The following DMRTA1 variants were observed in gnomAD, a reference collection of about 807,000 sequenced individuals.
DMRTA1 encodes the protein doublesex- and mab-3-related transcription factor A1.
Under a neutral mutation model 35.2 loss-of-function variants are expected in DMRTA1, and 34 were observed. That is an observed-to-expected ratio of 0.97 (90% confidence interval 0.74 to 1.29). The LOEUF is 1.29. DMRTA1 is among the 50% of genes most tolerant of loss of function. DMRTA1 has a pLI of 0.00. For missense variants in DMRTA1, 824 were observed against 644.6 expected (o/e 1.28, Z -3.01); for synonymous variants, 344 against 276.6 (o/e 1.24, Z -2.42).
chr9:22,448,040 T>G (rs1024027051), intron 1 of DMRTA1, among the ~76,000 whole-genome samples: 1 of 152,186 alleles, frequency 6.6e-6, no homozygotes, highest in African/African-American at 2.4e-5. Context: ...TTGATTTGAC[T>G]TTCACTGTGT....
Position 22,452,015 on chromosome 9 carries a change from G to T in DMRTA1, c.*104G>T. On this transcript the variant is annotated 3_prime_UTR_variant, in exon 2 of 2. Coordinates refer to ENST00000325870, the MANE Select transcript of DMRTA1 (RefSeq NM_022160.3). ...TTAATATACTTCAGTAAGTATGTGAGTGGATTATGAGGTCTTAAAATGCTG... is the reference window on the plus strand; with the variant it reads ...TTAATATACTTCAGTAAGTATGTGATTGGATTATGAGGTCTTAAAATGCTG... 1.5e-6 allele frequency: 2 copies of T among 1,318,024 alleles called. No homozygotes were observed. The highest frequency in any genetic ancestry group is 2.0e-6 in the Non-Finnish European group (2 of 991,584). The allele number at this position is 1,318,024 out of a possible 1,614,324, so 81.6% of individuals were successfully genotyped here. A position where few individuals can be genotyped will look rare whatever the true frequency, so the allele number is the denominator to read the frequency against.
At chr9:22,448,705 T>C (rs367974154) in intron 1 of DMRTA1, among the ~76,000 whole-genome samples, 1 of 152,206 alleles carries the variant, frequency 6.6e-6, no homozygotes, top group Non-Finnish European at 1.5e-5. Flanking sequence ...AAACCTTCCT[T>C]GAATTATGAA....
In DMRTA1 at chr9:22,453,337, T is replaced by C. The variant is rs1247725195; in HGVS notation, c.*1426T>C. ...TATGTAGACATACATTAAACCCCTA[T>C]AGGTTATATTATCATGGAGGCGTTT... On this transcript the variant is annotated 3_prime_UTR_variant, in exon 2 of 2. Transcript: ENST00000325870. 4.6e-5 allele frequency: 7 copies of C among 152,020 alleles called. No homozygotes were observed. Among genetic ancestry groups the C allele is most frequent in the African/African-American group, 1.7e-4 (7 of 41,422 alleles). 9.4% of individuals were successfully genotyped at this position (152,020 alleles called of 1,614,324 possible). A position where few individuals can be genotyped will look rare whatever the true frequency, so the allele number is the denominator to read the frequency against.
Position 22,447,000 on chromosome 9 carries a change from C to T in DMRTA1, c.-66C>T. 1 of 1,554,078 alleles carries T rather than the reference C, an allele frequency of 6.4e-7. No homozygotes were observed. Among genetic ancestry groups the T allele is most frequent in the Non-Finnish European group, 8.7e-7 (1 of 1,149,588 alleles). On this transcript the variant is annotated 5_prime_UTR_variant, in exon 1 of 2. Coordinates refer to ENST00000325870, the MANE Select transcript of DMRTA1 (RefSeq NM_022160.3). ...CGTCCTGCCCCGGCTTCCCCAGCCT[C>T]CCAGCAGGGTTAGCTGCGGTCAGCG...
intron 1 of DMRTA1, among the ~76,000 whole-genome samples, chr9:22,449,859 AAGAAAACTGG>A (rs1252569763): frequency 2.0e-5 from 3 of 152,260 alleles, no homozygotes; most frequent in East Asian, 1.9e-4. Flanking sequence ...AATTCTTCTT[AAGAAAACTGG>A]AGAAAACTGG....
At chr9:22,447,774 G>A (rs781386221) in intron 1 of DMRTA1, 42 bp downstream of exon 1, 2 of 1,607,816 alleles carry the variant, frequency 1.2e-6, no homozygotes, top group Non-Finnish European at 1.7e-6. Flanking sequence ...AGGAATGGTT[G>A]TTCTGGAAAG....
Position 22,447,720 on chromosome 9 carries a change from G to A in DMRTA1, c.655G>A (p.Glu219Lys), listed in dbSNP as rs1226393288. Residue 219 changes from glutamate (E) to lysine (K), a missense_variant, in exon 1 of 2, where the codon GAG becomes AAG. Transcript: ENST00000325870. ...CGAAGTTTTCCAGCAAGATTATCCT[G>A]AGGAAAAACAAGGTGAGTTGGTCTT... The part of the protein sequence containing the change: ...AFEVFQQDYP[E>K]EKQEQKESKC... 1 of 1,613,452 alleles carries A rather than the reference G, an allele frequency of 6.2e-7. No homozygotes were observed. Among genetic ancestry groups the A allele is most frequent in the African/African-American group, 1.3e-5 (1 of 75,056 alleles).
Position 22,451,421 on chromosome 9 carries a change from G to T in DMRTA1, c.1025G>T (p.Arg342Leu). 6.2e-7 allele frequency: 1 copy of T among 1,614,104 alleles called. No individual in the cohort carries two copies. The highest frequency in any genetic ancestry group is 8.5e-7 in the Non-Finnish European group (1 of 1,179,968). ...ILTKIFPNYR[R>L]SRLEGILRFC... ...ACTAAGATTTTCCCAAATTACAGGC[G>T]CAGCCGGCTAGAAGGCATTCTACGG... Residue 342 changes from arginine to leucine, a missense_variant, in exon 2 of 2, where the codon CGC (arginine) becomes CTC (leucine). Arg to Leu is a moderately radical substitution (Grantham distance 102, BLOSUM62 -2). Transcript: ENST00000325870.
chr9:22,449,400 CAGAG>C (rs1192678144), intron 1 of DMRTA1, among the ~76,000 whole-genome samples: 2 of 152,206 alleles, frequency 1.3e-5, no homozygotes, highest in Middle Eastern at 3.4e-3. Context: ...CTTGAGAAGA[CAGAG>C]AGACGATATA....
rs1818835108 is a variant in DMRTA1, at chr9:22,446,829, AGC to A, written c.-234_-233del. On this transcript the variant is annotated 5_prime_UTR_variant, in exon 1 of 2. Transcript: ENST00000325870. ...GCTGGAGGCACAAAGGCATTAACTT[AGC>A]GCCCGGGGTCTCTGCCAGGCTCACG... 1 of 524,882 alleles carries A rather than the reference AGC, an allele frequency of 1.9e-6. No homozygotes were observed. Among genetic ancestry groups the A allele is most frequent in the Non-Finnish European group, 3.3e-6 (1 of 306,126 alleles). The allele number at this position is 524,882 out of a possible 1,614,324, so 32.5% of individuals were successfully genotyped here.
chr9:22,447,293 G>C lies in DMRTA1; in HGVS notation c.228G>C (p.Pro76=). 1 of 1,505,892 alleles carries C rather than the reference G, an allele frequency of 6.6e-7. No individual in the cohort carries two copies. The highest frequency in any genetic ancestry group is 8.8e-7 in the Non-Finnish European group (1 of 1,133,550). The allele number at this position is 1,505,892 out of a possible 1,614,324, so 93.3% of individuals were successfully genotyped here. ...CCTCGGGAAGCGGAGGCTGCCCGCC[G>C]GCTCCCGGGCTGGAGAGCGGGGTAG... The part of the protein sequence containing the change: ...AATSGSGGCP[P]APGLESGVGA... Residue 76 remains proline, a synonymous_variant, in exon 1 of 2, where the codon CCG becomes CCC. Transcript: ENST00000325870.
At position 22,451,453 on chromosome 9, in the gene DMRTA1, A is replaced by G; in HGVS notation, c.1057A>G (p.Lys353Glu). 1.9e-6 allele frequency: 3 copies of G among 1,614,194 alleles called. No homozygotes were observed. Among genetic ancestry groups the G allele is most frequent in the Non-Finnish European group, 2.5e-6 (3 of 1,179,994 alleles). The change falls in exon 2 of 2, where the codon AAA becomes GAA. Residue 353 changes from lysine to glutamate, a missense_variant. Transcript: ENST00000325870. ...SRLEGILRFCKGDVVQAIEQV... is the reference protein window; with the variant it reads ...SRLEGILRFCEGDVVQAIEQV... Reference sequence around the variant, plus strand: ...GCTAGAAGGCATTCTACGGTTCTGCAAAGGGGATGTGGTCCAAGCCATTGA... The same window carrying G: ...GCTAGAAGGCATTCTACGGTTCTGCGAAGGGGATGTGGTCCAAGCCATTGA...
chr9:22,453,029 G>A lies in DMRTA1; in HGVS notation c.*1118G>A, dbSNP rs1202521604. 2.0e-5 allele frequency: 3 copies of A among 151,980 alleles called. No individual in the cohort carries two copies. The highest frequency in any genetic ancestry group is 4.4e-5 in the Non-Finnish European group (3 of 67,952). The allele number at this position is 151,980 out of a possible 1,614,324, so 9.4% of individuals were successfully genotyped here. On this transcript the variant is annotated 3_prime_UTR_variant, in exon 2 of 2. Coordinates refer to ENST00000325870, the MANE Select transcript of DMRTA1 (RefSeq NM_022160.3). ...TAAAAATAATTTTTGTCCTCCCTCTGGCGCATTTGAAAACTATTTATTTCA... is the reference window on the plus strand; with the variant it reads ...TAAAAATAATTTTTGTCCTCCCTCTAGCGCATTTGAAAACTATTTATTTCA...
Position 22,452,913 on chromosome 9 carries a change from C to T in DMRTA1, c.*1002C>T, listed in dbSNP as rs1213466151. On this transcript the variant is annotated 3_prime_UTR_variant, in exon 2 of 2. Coordinates refer to ENST00000325870, the MANE Select transcript of DMRTA1 (RefSeq NM_022160.3). ...TGCTCAAATAAATATTTATTAACTG[C>T]AGATAGTTGATGCTTAATGCACTGA... is the stretch of plus-strand genomic sequence containing the variant. The T allele has an allele frequency of 6.6e-6, 1 of 152,026 alleles. No homozygotes were observed. The highest frequency in any genetic ancestry group is 2.4e-5 in the African/African-American group (1 of 41,406). 9.4% of individuals were successfully genotyped at this position (152,026 alleles called of 1,614,324 possible).
chr9:22,447,726 A>G lies in DMRTA1; in HGVS notation c.661A>G (p.Lys221Glu). The G allele has an allele frequency of 6.2e-7, 1 of 1,613,448 alleles. No homozygotes were observed. The highest frequency in any genetic ancestry group is 8.5e-7 in the Non-Finnish European group (1 of 1,179,996). Residue 221 changes from lysine (K) to glutamate (E), a missense_variant, in exon 1 of 2, where the codon AAA (lysine) becomes GAA (glutamate). Lys to Glu is a moderately conservative substitution (Grantham distance 56). Transcript: ENST00000325870. ...EVFQQDYPEE[K>E]QEQKESKCES... ...TTTCCAGCAAGATTATCCTGAGGAA[A>G]AACAAGGTGAGTTGGTCTTTGATTT...
chr9:22,447,558 TCCTGG>T lies in DMRTA1; in HGVS notation c.496_500del (p.Trp166ProfsTer52). 3.1e-6 allele frequency: 5 copies of T among 1,594,576 alleles called. No homozygotes were observed. The highest frequency in any genetic ancestry group is 4.3e-6 in the Non-Finnish European group (5 of 1,171,098). ...ACAGAGGCTCCTGTGCTCGGGGCTCTCCTGGCCCCCCGGTGGTCGGGCATCCGGGG... is the reference window on the plus strand; with the variant it reads ...ACAGAGGCTCCTGTGCTCGGGGCTCTCCCCCCGGTGGTCGGGCATCCGGGG... On this transcript the variant is annotated frameshift_variant, in exon 1 of 2. Transcript: ENST00000325870. LOFTEE classifies it high-confidence loss of function.
chr9:22,451,756 C>A lies in DMRTA1; in HGVS notation c.1360C>A (p.Pro454Thr). Residue 454 changes from proline (P) to threonine (T), a missense_variant, in exon 2 of 2, where the codon CCC becomes ACC. Transcript: ENST00000325870. ...AGRGLSGFMS[P>T]YLTPGLVPTL... ...AAGAGGGTTATCTGGTTTTATGTCA[C>A]CCTACCTAACACCTGGGTTAGTACC... 1 of 1,614,034 alleles carries A rather than the reference C, an allele frequency of 6.2e-7. No homozygotes were observed. Among genetic ancestry groups the A allele is most frequent in the Non-Finnish European group, 8.5e-7 (1 of 1,179,914 alleles).
intron 1 of DMRTA1, 100 bp from the exon 2 acceptor site, chr9:22,450,964 A>G: frequency 8.7e-7 from 1 of 1,150,092 alleles, no homozygotes; most frequent in Non-Finnish European, 1.2e-6. Flanking sequence ...AATTAATAGG[A>G]GTGAATTAAT....
At position 22,451,314 on chromosome 9, in the gene DMRTA1, T is replaced by C; in HGVS notation, c.918T>C (p.Ser306=). 6.2e-7 allele frequency: 1 copy of C among 1,614,082 alleles called. No homozygotes were observed. The highest frequency in any genetic ancestry group is 8.5e-7 in the Non-Finnish European group (1 of 1,179,958). The part of the protein sequence containing the change: ...SSSDLESGNE[S]EWVKDLTATK... ...CTGATCTGGAATCAGGAAATGAAAG[T>C]GAATGGGTCAAAGACTTGACTGCGA... Residue 306 remains serine (S), a synonymous_variant, in exon 2 of 2, where the codon AGT becomes AGC. Transcript: ENST00000325870.
Sources: gnomAD v4.1 joint callset for allele counts (sites outside exome capture counted in the v4.1 genomes callset) on GRCh38, gnomAD v4.1.1 for gene constraint, MANE v1.5 for transcripts, NCBI Gene and HGNC (gene_info 2026-07-23, HGNC 2026-07-21) for gene names.